The following KNL1 variants were observed in gnomAD, a reference collection of about 807,000 sequenced individuals.
The protein encoded by KNL1 is outer kinetochore KNL1 complex subunit KNL1.
A neutral mutation model predicts 201.3 loss-of-function variants in KNL1; 66 were observed. That is an observed-to-expected ratio of 0.33 (90% confidence interval 0.27 to 0.40). The LOEUF (loss-of-function observed/expected upper bound fraction) is 0.40, where lower values mean the gene tolerates loss of function less well. KNL1 is among the 10% of genes least tolerant of loss of function. The pLI, the probability that KNL1 is intolerant of heterozygous loss-of-function variation, is 1.00. For missense variants in KNL1, 2,815 were observed against 2,690.5 expected (o/e 1.05, Z -1.02); for synonymous variants, 895 against 899.2 (o/e 1.00, Z 0.08).
intron 14 of KNL1, among the ~76,000 whole-genome samples, chr15:40,644,544 G>T (rs987388384): frequency 2.6e-5 from 4 of 152,238 alleles, no homozygotes; most frequent in Non-Finnish European, 4.4e-5. Flanking sequence ...CTGGGGGACA[G>T]TCAGGTCTTT....
At chr15:40,628,268 T>C in intron 11 of KNL1, 60 bp downstream of exon 11, 1 of 1,492,180 alleles carries the variant, frequency 6.7e-7, no homozygotes, top group Non-Finnish European at 9.0e-7. Context: ...TAATAATAAG[T>C]AGTTTTCAGT....
Position 40,628,190 on chromosome 15 carries a change from A to G in KNL1, c.5497A>G (p.Thr1833Ala). 3 of 1,603,232 alleles carry G rather than the reference A, an allele frequency of 1.9e-6. No homozygotes were observed. Among genetic ancestry groups the G allele is most frequent in the Non-Finnish European group, 2.5e-6 (3 of 1,176,768 alleles). Reference protein sequence around the residue: ...SSLDSIKADGTSLDFSTYRSS... With the variant: ...SSLDSIKADGASLDFSTYRSS... ...TCTGGATTCAATCAAGGCTGATGGG[A>G]CCTCTCTGGACTTCAGCAGTAAGAG... Residue 1833 changes from threonine (T) to alanine (A), a missense_variant, in exon 11 of 26, where the codon ACC becomes GCC. By Grantham distance (58) the Thr-to-Ala change is moderately conservative. This residue lies in a region of KNL1 where 2,464 missense variants were observed against 2,291.7 expected (regional missense o/e 1.08). Coordinates refer to ENST00000399668, the MANE Select transcript of KNL1 (RefSeq NM_144508.5).
intron 1 of KNL1, among the ~76,000 whole-genome samples, chr15:40,598,180 A>G (rs1362259587): frequency 6.6e-6 from 1 of 151,922 alleles, no homozygotes; most frequent in African/African-American, 2.4e-5. Context: ...GTCTCAAAAA[A>G]AAAAAAAGAA....
chr15:40,632,221 C>A (rs78169578), intron 13 of KNL1, among the ~76,000 whole-genome samples: 6 of 136,532 alleles, frequency 4.4e-5, no homozygotes, highest in Admixed American at 1.5e-4. Context: ...CCCCCCCCCA[C>A]CCACATCTTT....
At chr15:40,629,534 C>T (rs373487178) in intron 13 of KNL1, among the ~76,000 whole-genome samples, 163 bp downstream of exon 13, 4 of 105,524 alleles carry the variant, frequency 3.8e-5, no homozygotes, top group Non-Finnish European at 6.9e-5. Flanking sequence ...GATGGAGTCT[C>T]GCTCTGTTGC....
At chr15:40,610,689 C>G (rs548484930) in intron 6 of KNL1, 1 of 452,768 alleles carries the variant, frequency 2.2e-6, no homozygotes, top group African/African-American at 2.0e-5. Context: ...GACTCTGTCT[C>G]AAAAACAAAA....
chr15:40,650,283 A>G lies in KNL1; in HGVS notation c.6095-18A>G. ...CTATTTTTCACTGAATTATTCTAAC[A>G]AATACTGTCTACTTTAGAAACTAAG... On this transcript the variant is annotated intron_variant, in intron 17 of 25. Transcript: ENST00000399668. 2.0e-6 allele frequency: 3 copies of G among 1,495,246 alleles called. No individual in the cohort carries two copies. The highest frequency in any genetic ancestry group is 1.2e-5 in the South Asian group (1 of 86,630). The allele number at this position is 1,495,246 out of a possible 1,614,324, so 92.6% of individuals were successfully genotyped here. A position where few individuals can be genotyped will look rare whatever the true frequency, so the allele number is the denominator to read the frequency against.
intron 1 of KNL1, among the ~76,000 whole-genome samples, chr15:40,598,440 T>C (rs1326372823): frequency 6.6e-6 from 1 of 151,994 alleles, no homozygotes; most frequent in Non-Finnish European, 1.5e-5. Flanking sequence ...CCAGGAATGG[T>C]GGCAGGTGCC....
chr15:40,659,175 G>A (rs1039890522), intron 24 of KNL1, among the ~76,000 whole-genome samples, 164 bp from the exon 25 acceptor site: 9 of 148,296 alleles, frequency 6.1e-5, no homozygotes, highest in Non-Finnish European at 1.0e-4. Context: ...CTACTTGGGA[G>A]AATCGATAGA....
At chr15:40,650,676 C>A in intron 19 of KNL1, 93 bp downstream of exon 19, 3 of 1,194,256 alleles carry the variant, frequency 2.5e-6, no homozygotes, top group South Asian at 1.7e-5. Flanking sequence ...GATTTGGGGA[C>A]ATGAGTCTTG....
In KNL1 at chr15:40,624,630, G is replaced by A; in HGVS notation, c.4366G>A (p.Gly1456Arg). 1 of 1,613,810 alleles carries A rather than the reference G, an allele frequency of 6.2e-7. No individual in the cohort carries two copies. The highest frequency in any genetic ancestry group is 1.3e-5 in the African/African-American group (1 of 74,984). The change falls in exon 10 of 26, where the codon GGA becomes AGA. Residue 1456 changes from glycine to arginine, a missense_variant. By Grantham distance (125) the Gly-to-Arg change is moderately radical. Coordinates refer to ENST00000399668, the MANE Select transcript of KNL1 (RefSeq NM_144508.5). ...STDQPPLPKK[G>R]QSSINKEEVI... is the part of the protein sequence containing the mutation. ...CGACCAACCTCCATTACCTAAAAAA[G>A]GACAGAGTAGTATCAATAAAGAAGA...
chr15:40,635,196 C>T (rs2141739394), intron 13 of KNL1, among the ~76,000 whole-genome samples: 1 of 149,074 alleles, frequency 6.7e-6, no homozygotes, highest in South Asian at 2.1e-4. Flanking sequence ...CTACAGGCAC[C>T]TGCCACCATG....
At chr15:40,656,553 C>G (rs2141765989) in intron 22 of KNL1, among the ~76,000 whole-genome samples, 1 of 152,304 alleles carries the variant, frequency 6.6e-6, no homozygotes, top group South Asian at 2.1e-4. Flanking sequence ...AATGTCCTAT[C>G]TTCACCATAC....
intron 4 of KNL1, among the ~76,000 whole-genome samples, chr15:40,607,085 A>G (rs1282341078): frequency 6.6e-6 from 1 of 152,170 alleles, no homozygotes; most frequent in Admixed American, 6.5e-5. Flanking sequence ...TTTTTAGTAT[A>G]GACAGGGTCT....
chr15:40,619,355 A>AATAT (rs71956781), intron 9 of KNL1, among the ~76,000 whole-genome samples: 5,974 of 146,042 alleles, frequency 0.041, 113 homozygotes, highest in African/African-American at 0.05. Context: ...CACACAGTGT[A>AATAT]ATATATATAT....
intron 3 of KNL1, among the ~76,000 whole-genome samples, chr15:40,606,002 C>T (rs1050777712): frequency 3.3e-5 from 5 of 152,108 alleles, no homozygotes; most frequent in African/African-American, 1.2e-4. Flanking sequence ...TGTCTTTTTC[C>T]TGAAAACAGA....
chr15:40,640,916 C>G lies in KNL1; in HGVS notation c.5687C>G (p.Thr1896Ser). ...PRQSNLPGNFTVNTPPTPEDL... is the reference protein window; with the variant it reads ...PRQSNLPGNFSVNTPPTPEDL... Reference sequence around the variant, plus strand: ...GGACTGAATTTTTTTTTCCAGTTTACTGTAAACACACCACCTACTCCAGAA... The same window carrying G: ...GGACTGAATTTTTTTTTCCAGTTTAGTGTAAACACACCACCTACTCCAGAA... Residue 1896 changes from threonine (T) to serine (S), a missense_variant, in exon 14 of 26, where the codon ACT (threonine) becomes AGT (serine). By Grantham distance (58) the Thr-to-Ser change is moderately conservative. Around this residue, in one of 3 missense-constraint regions of KNL1, gnomAD observed 2,464 missense variants for 2,291.7 expected, o/e 1.08. Coordinates refer to ENST00000399668, the MANE Select transcript of KNL1 (RefSeq NM_144508.5). 2.5e-6 allele frequency: 4 copies of G among 1,604,182 alleles called. No homozygotes were observed. Among genetic ancestry groups the G allele is most frequent in the Non-Finnish European group, 3.4e-6 (4 of 1,172,618 alleles).
chr15:40,632,126 CTG>C (rs1567014112), intron 13 of KNL1, among the ~76,000 whole-genome samples: 2 of 151,476 alleles, frequency 1.3e-5, no homozygotes, highest in African/African-American at 4.9e-5. Flanking sequence ...TGGCTGGTGT[CTG>C]TAATTCTAGC....
chr15:40,618,322 TA>T (rs1892409918), intron 8 of KNL1, among the ~76,000 whole-genome samples: 2 of 152,092 alleles, frequency 1.3e-5, no homozygotes, highest in African/African-American at 2.4e-5. Context: ...TATTACTTTT[TA>T]CTATTTTTCT....
Sources: allele counts gnomAD v4.1 joint callset (sites outside exome capture counted in the v4.1 genomes callset), GRCh38; gene constraint gnomAD v4.1.1; regional missense constraint gnomAD v4.1.1; transcripts MANE v1.5; gene names NCBI Gene and HGNC (gene_info 2026-07-23, HGNC 2026-07-21).